PRKCQ: variants seen among roughly 807,000 people sequenced by gnomAD.
The protein encoded by PRKCQ is protein kinase C theta.
Under a neutral mutation model 91.2 loss-of-function variants are expected in PRKCQ, and 41 were observed. That is an observed-to-expected ratio of 0.45 (90% CI 0.35 to 0.58). The LOEUF is 0.58. PRKCQ is among the 20% of genes least tolerant of loss of function. PRKCQ has a pLI of 0.00. For missense variants in PRKCQ, 673 were observed against 896.5 expected (o/e 0.75, Z 3.18); for synonymous variants, 307 against 316.9 (o/e 0.97, Z 0.33).
chr10:6,565,914 C>T (rs139782559), intron 1 of PRKCQ, among the ~76,000 whole-genome samples: 59 of 152,308 alleles, frequency 3.9e-4, no homozygotes, highest in African/African-American at 1.3e-3. Flanking sequence ...GTTCATAGTA[C>T]CCCTCTAAAT....
intron 7 of PRKCQ, among the ~76,000 whole-genome samples, chr10:6,493,075 G>T (rs1396862061): frequency 6.6e-6 from 1 of 152,166 alleles, no homozygotes; most frequent in Non-Finnish European, 1.5e-5. Flanking sequence ...GTCCAGGCTG[G>T]AAGGGGACCA....
At chr10:6,533,104 A>T (rs544208994) in intron 1 of PRKCQ, among the ~76,000 whole-genome samples, 132 of 152,226 alleles carry the variant, frequency 8.7e-4, no homozygotes, top group Non-Finnish European at 9.0e-4. Flanking sequence ...ACAGATGCAG[A>T]GCTCCTCCCA....
Position 6,497,389 on chromosome 10 carries a change from G to A in PRKCQ, c.543-138C>T. On this transcript the variant is annotated intron_variant, in intron 5 of 17. Transcript: ENST00000263125. The surrounding 1 kb of genome is among the most constrained non-coding windows in gnomAD (Gnocchi z 4.5). ...GATCAGCAGCCCTGTTGTATCATTT[G>A]CCAAGAGTATTAACAGAGTGTTTTT... The A allele has an allele frequency of 9.9e-7, 1 of 1,005,104 alleles. No homozygotes were observed. The highest frequency in any genetic ancestry group is 1.5e-6 in the Non-Finnish European group (1 of 648,500). The allele number at this position is 1,005,104 out of a possible 1,614,324, so 62.3% of individuals were successfully genotyped here. A position where few individuals can be genotyped will look rare whatever the true frequency, so the allele number is the denominator to read the frequency against.
chr10:6,519,462 C>G (rs1358093230), intron 1 of PRKCQ, among the ~76,000 whole-genome samples: 2 of 152,162 alleles, frequency 1.3e-5, no homozygotes, highest in Non-Finnish European at 2.9e-5. Context: ...CCTACAGCTA[C>G]AGGAAAAGCC....
intron 1 of PRKCQ, among the ~76,000 whole-genome samples, chr10:6,545,998 C>T (rs76096657): frequency 0.011 from 1,655 of 151,922 alleles, 31 homozygotes; most frequent in African/African-American, 0.037. Context: ...AGCAAAACTC[C>T]ATCTCAGGAA....
Position 6,479,261 on chromosome 10 carries a change from G to GA in PRKCQ, c.1180-97dup, listed in dbSNP as rs1470547715. The GA allele has an allele frequency of 2.1e-6, 3 of 1,417,606 alleles. No homozygotes were observed. The African/African-American group carries it at 4.3e-5, about 20-fold the overall frequency. 87.8% of individuals were successfully genotyped at this position (1,417,606 alleles called of 1,614,324 possible). On this transcript the variant is annotated intron_variant, in intron 11 of 17. Transcript: ENST00000263125. ...CCTGAGAGACACCTGTGTTGGGTGG[G>GA]AAAAGGGGTTCCTTCTCCAACCCCC...
chr10:6,480,230 C>T (rs2130768940), intron 11 of PRKCQ, among the ~76,000 whole-genome samples: 1 of 152,324 alleles, frequency 6.6e-6, no homozygotes, highest in South Asian at 2.1e-4. Flanking sequence ...CTACTTTACA[C>T]TTACGACCTA....
intron 1 of PRKCQ, among the ~76,000 whole-genome samples, chr10:6,572,738 A>C (rs1460258237): frequency 6.6e-6 from 1 of 151,930 alleles, no homozygotes; most frequent in African/African-American, 2.4e-5. Context: ...ATTCCTTTGG[A>C]TATATGCCCA....
chr10:6,436,909 G>A (rs1190973995), intron 16 of PRKCQ, among the ~76,000 whole-genome samples: 5 of 152,006 alleles, frequency 3.3e-5, no homozygotes, highest in South Asian at 2.1e-4. Context: ...TTCACTCTCC[G>A]TCCTGGCCTG....
chr10:6,404,249 G>T, the PRKCQ span, among the ~76,000 whole-genome samples: 1 of 18,800 alleles, frequency 5.3e-5, no homozygotes, highest in Non-Finnish European at 1.6e-4. Context: ...GGGAGAGAAG[G>T]GGGGGGGAGA....
At chr10:6,394,950 G>A in the PRKCQ span, among the ~76,000 whole-genome samples, 3 of 152,072 alleles carry the variant, frequency 2.0e-5, no homozygotes, top group Non-Finnish European at 4.4e-5. Flanking sequence ...ACCATCCAGT[G>A]GGTTCACCTT....
the PRKCQ span, among the ~76,000 whole-genome samples, chr10:6,417,391 AC>A: frequency 6.6e-6 from 1 of 152,268 alleles, no homozygotes; most frequent in Non-Finnish European, 1.5e-5. Context: ...CAAACCAAAA[AC>A]AAAAAACAAT....
At chr10:6,480,946 T>G (rs494800) in intron 11 of PRKCQ, among the ~76,000 whole-genome samples, 117,665 of 152,160 alleles carry the variant, frequency 0.77, 45,824 homozygotes, top group East Asian at 0.92. Flanking sequence ...AGGCTTAAAA[T>G]TTGTTTGAGA....
At chr10:6,469,814 C>A (rs1021815692) in intron 12 of PRKCQ, among the ~76,000 whole-genome samples, 2 of 152,006 alleles carry the variant, frequency 1.3e-5, no homozygotes, top group Non-Finnish European at 2.9e-5. Flanking sequence ...AAGAACATAA[C>A]AAATCATTAG....
chr10:6,415,403 T>A, the PRKCQ span, among the ~76,000 whole-genome samples: 1 of 77,944 alleles, frequency 1.3e-5, no homozygotes, highest in African/African-American at 5.4e-5. Context: ...CCCAAGAAAA[T>A]ACATATATAT....
chr10:6,569,165 G>A (rs1442778465), intron 1 of PRKCQ, among the ~76,000 whole-genome samples: 3 of 152,056 alleles, frequency 2.0e-5, no homozygotes, highest in East Asian at 1.9e-4. Flanking sequence ...CACCTACTAC[G>A]TGTCAGACAC....
At chr10:6,459,136 C>T (rs999882836) in intron 14 of PRKCQ, among the ~76,000 whole-genome samples, 5 of 152,188 alleles carry the variant, frequency 3.3e-5, no homozygotes, top group African/African-American at 1.2e-4. Context: ...TCTGCAAAGC[C>T]TCTTCCACTC....
At chr10:6,420,328 G>A in the PRKCQ span, among the ~76,000 whole-genome samples, 1 of 152,124 alleles carries the variant, frequency 6.6e-6, no homozygotes, top group African/African-American at 2.4e-5. Context: ...TGCTTTGTGT[G>A]GACGCTCCAC....
intron 4 of PRKCQ, 50 bp downstream of exon 4, chr10:6,507,386 G>T: frequency 6.6e-7 from 1 of 1,511,178 alleles, no homozygotes; most frequent in South Asian, 1.1e-5. Context: ...CATTTGAGGA[G>T]AAGGCCATGC....
Sources: allele counts gnomAD v4.1 joint callset (sites outside exome capture counted in the v4.1 genomes callset), GRCh38; gene constraint gnomAD v4.1.1; non-coding constraint Gnocchi (gnomAD v3.1); transcripts MANE v1.5; gene names NCBI Gene and HGNC (gene_info 2026-07-23, HGNC 2026-07-21).